RUNX1T1: variants seen among roughly 807,000 people sequenced by gnomAD.
RUNX1T1 encodes protein CBFA2T1.
A neutral mutation model predicts 62.8 loss-of-function variants in RUNX1T1; 4 were observed. That is an observed-to-expected ratio of 0.06 (90% CI 0.03 to 0.15). RUNX1T1 has a LOEUF of 0.15. RUNX1T1 is among the 10% of genes least tolerant of loss of function. The probability of loss-of-function intolerance (pLI) is 1.00; values close to 1 mark genes in which losing one functional copy is unlikely to be tolerated. For missense variants in RUNX1T1, 508 were observed against 754.3 expected (o/e 0.67, Z 3.82); for synonymous variants, 291 against 286.0 (o/e 1.02, Z -0.18).
chr8:91,991,773 G>T, exon 6 of RUNX1T1: 1 of 1,614,104 alleles, frequency 6.2e-7, no homozygotes, highest in Non-Finnish European at 8.5e-7. Flanking sequence ...CAGGCCATTG[G>T]GCTGGTAGGA....
chr8:91,974,580 G>T (rs1813520213), intron 9 of RUNX1T1, among the ~76,000 whole-genome samples: 1 of 152,082 alleles, frequency 6.6e-6, no homozygotes, highest in African/African-American at 2.4e-5. Context: ...CTTAGAAATG[G>T]AAGAGAAAAA....
intron 5 of RUNX1T1, among the ~76,000 whole-genome samples, chr8:91,996,702 A>C (rs1468468524): frequency 6.6e-6 from 1 of 151,964 alleles, no homozygotes; most frequent in African/African-American, 2.4e-5. Flanking sequence ...TGCTCAGTGA[A>C]ATGGGACTAA....
chr8:91,964,409 T>A lies in RUNX1T1; in HGVS notation c.1459-3892A>T, dbSNP rs189298291. Among the ~76,000 whole-genome samples, 326 of 152,282 alleles carry A rather than the reference T, an allele frequency of 2.1e-3. 1 individual carries two copies. The highest frequency in any genetic ancestry group is 2.9e-3 in the Non-Finnish European group (195 of 68,018). ...TTGCACAAAATCGATGTGTAATAAATTTAAATATAATAGAATGATTGTAAT... is the reference window on the plus strand; with the variant it reads ...TTGCACAAAATCGATGTGTAATAAAATTAAATATAATAGAATGATTGTAAT... On this transcript the variant is annotated intron_variant, in intron 10 of 10. Coordinates refer to ENST00000396218, the Ensembl canonical transcript of RUNX1T1.
chr8:92,026,563 T>C (rs1825179583), intron 1 of RUNX1T1, among the ~76,000 whole-genome samples: 1 of 152,252 alleles, frequency 6.6e-6, no homozygotes, highest in Non-Finnish European at 1.5e-5. Context: ...GGCTCATGCC[T>C]GTAATCCCAG....
chr8:91,970,507 C>CT, intron 10 of RUNX1T1, 151 bp downstream of exon 11: 1 of 657,322 alleles, frequency 1.5e-6, no homozygotes, highest in Non-Finnish European at 2.3e-6. Context: ...GTGATCAGCT[C>CT]TTGGCAAATT....
chr8:91,968,017 T>A (rs1332201719), intron 10 of RUNX1T1, among the ~76,000 whole-genome samples: 1 of 152,144 alleles, frequency 6.6e-6, no homozygotes, highest in East Asian at 1.9e-4. Flanking sequence ...TTAAACAACC[T>A]TGTAAGGTAA....
At chr8:91,979,854 T>C in intron 8 of RUNX1T1, 1 of 531,440 alleles carries the variant, frequency 1.9e-6, no homozygotes, top group South Asian at 1.5e-5. Flanking sequence ...CTGATAGCCT[T>C]TGGAGAAGCA....
intron 1 of RUNX1T1, among the ~76,000 whole-genome samples, chr8:92,050,958 A>G (rs1352945917): frequency 6.6e-6 from 1 of 152,098 alleles, no homozygotes; most frequent in African/African-American, 2.4e-5. Context: ...CTGTCACTAA[A>G]TCTTCCCATC....
intron 1 of RUNX1T1, chr8:92,095,516 C>A (rs1363090896): frequency 1.3e-6 from 2 of 1,507,840 alleles, no homozygotes; most frequent in Non-Finnish European, 1.8e-6. Flanking sequence ...GAGAAGCCAA[C>A]GTGCATCAGG....
chr8:92,100,659 T>C (rs539934403), upstream of RUNX1T1, among the ~76,000 whole-genome samples: 1 of 152,198 alleles, frequency 6.6e-6, no homozygotes, highest in South Asian at 2.1e-4. Context: ...TACTATTGGG[T>C]GAGATTGTCA....
intron 2 of RUNX1T1, 74 bp downstream of exon 2, chr8:92,075,891 T>A: frequency 7.5e-7 from 1 of 1,332,018 alleles, no homozygotes; most frequent in South Asian, 1.3e-5. Context: ...CAATTATAAT[T>A]TATTGGAAAA....
In RUNX1T1 at chr8:92,043,699, G is replaced by A. The variant is rs201487838; in HGVS notation, c.7+18847C>T. Among the ~76,000 whole-genome samples the A allele has an allele frequency of 3.2e-4, 49 of 151,978 alleles. No homozygotes were observed. The East Asian group carries it at 7.7e-3, about 24-fold the overall frequency. The stretch of plus-strand genomic sequence containing the variant: ...AATTATAATCATAAAAACCTTAGCC[G>A]GGTGCGGTGGCTCACACCTGTAATC... On this transcript the variant is annotated intron_variant, in intron 1 of 10. Transcript: ENST00000396218.
At chr8:92,047,715 T>C (rs1403056717) in intron 1 of RUNX1T1, among the ~76,000 whole-genome samples, 1 of 151,008 alleles carries the variant, frequency 6.6e-6, no homozygotes, top group East Asian at 2.0e-4. Context: ...GCATCATCCA[T>C]ATTATGTGTA....
At chr8:92,080,211 A>G (rs1201717820) in intron 1 of RUNX1T1, among the ~76,000 whole-genome samples, 1 of 152,136 alleles carries the variant, frequency 6.6e-6, no homozygotes, top group African/African-American at 2.4e-5. Context: ...AAACAAATGA[A>G]TCCCACTCAA....
At chr8:92,060,767 A>G (rs1266022844) in intron 1 of RUNX1T1, among the ~76,000 whole-genome samples, 1 of 152,130 alleles carries the variant, frequency 6.6e-6, no homozygotes, top group Non-Finnish European at 1.5e-5. Flanking sequence ...ATTTAGAGGT[A>G]GTCCATCCAA....
chr8:92,000,263 T>C (rs1819511097), intron 5 of RUNX1T1, among the ~76,000 whole-genome samples: 1 of 151,958 alleles, frequency 6.6e-6, no homozygotes. Context: ...CCCAGATCAG[T>C]CACTCCAGCC....
intron 1 of RUNX1T1, among the ~76,000 whole-genome samples, chr8:92,048,807 T>C (rs1005375800): frequency 2.6e-5 from 4 of 152,162 alleles, no homozygotes; most frequent in African/African-American, 9.7e-5. Flanking sequence ...AAAGGCCACA[T>C]TGGCCAAGTA....
At chr8:92,050,386 T>C (rs1276180441) in intron 1 of RUNX1T1, among the ~76,000 whole-genome samples, 3 of 152,202 alleles carry the variant, frequency 2.0e-5, no homozygotes, top group Admixed American at 6.5e-5. Flanking sequence ...ACTGTTTAAA[T>C]GTTCCTTGAA....
intron 1 of RUNX1T1, among the ~76,000 whole-genome samples, chr8:92,054,410 T>G (rs1053065501): frequency 6.6e-6 from 1 of 152,170 alleles, no homozygotes; most frequent in African/African-American, 2.4e-5. Flanking sequence ...CTGTCTCCTA[T>G]TTTTTAACTC....
Sources: allele counts gnomAD v4.1 joint callset (sites outside exome capture counted in the v4.1 genomes callset), GRCh38; gene constraint gnomAD v4.1.1; transcripts MANE v1.5; gene names NCBI Gene and HGNC (gene_info 2026-07-23, HGNC 2026-07-21).